Variants in SNX7 observed in about 807,000 individuals in gnomAD.
The protein encoded by SNX7 is sorting nexin-7.
A neutral mutation model predicts 48.4 loss-of-function variants in SNX7; 35 were observed. That is an observed-to-expected ratio of 0.72 (90% CI 0.55 to 0.96). The LOEUF (loss-of-function observed/expected upper bound fraction) is 0.96, where lower values mean the gene tolerates loss of function less well. SNX7 is among the 40% of genes least tolerant of loss of function. The pLI is 0.00. For missense variants in SNX7, 553 were observed against 548.9 expected (o/e 1.01, Z -0.07); for synonymous variants, 190 against 190.2 (o/e 1.00, Z 0.01).
intron 5 of SNX7, among the ~76,000 whole-genome samples, chr1:98,695,945 A>G (rs1398191188): frequency 6.6e-6 from 1 of 152,162 alleles, no homozygotes; most frequent in Admixed American, 6.5e-5. Context: ...CCATTCATAG[A>G]TAATAGTGGT....
At chr1:98,722,611 G>A (rs1360384799) in intron 7 of SNX7, among the ~76,000 whole-genome samples, 2 of 151,796 alleles carry the variant, frequency 1.3e-5, no homozygotes, top group African/African-American at 4.8e-5. Context: ...GAAATTTTTA[G>A]CATTTGAATA....
Position 98,661,864 on chromosome 1 carries a change from G to GA in SNX7, c.133_134insA (p.Val45AspfsTer44), listed in dbSNP as rs1412202081. The GA allele has an allele frequency of 8.0e-7, 1 of 1,246,962 alleles. No individual in the cohort carries two copies. Among genetic ancestry groups the GA allele is most frequent in the Non-Finnish European group, 1.0e-6 (1 of 987,484 alleles). The allele number at this position is 1,246,962 out of a possible 1,614,324, so 77.2% of individuals were successfully genotyped here. ...CTCTTCCGCCCTGCTGCAGGCGGAG[G>GA]TGCTGGATCTGGACGAGGACGAGGA... On this transcript the variant is annotated frameshift_variant, in exon 1 of 9. Transcript: ENST00000306121. LOFTEE classifies it high-confidence loss of function.
At chr1:98,671,907 A>G (rs1236227183) in intron 1 of SNX7, among the ~76,000 whole-genome samples, 1 of 152,214 alleles carries the variant, frequency 6.6e-6, no homozygotes, top group Non-Finnish European at 1.5e-5. Context: ...TAAGATAAAC[A>G]AGCTGAATCA....
At chr1:98,665,299 CCTG>C (rs1219627139) in intron 1 of SNX7, among the ~76,000 whole-genome samples, 20 of 151,866 alleles carry the variant, frequency 1.3e-4, no homozygotes, top group African/African-American at 4.4e-4. Context: ...ATAATGGTTC[CCTG>C]AAACTAGAGA....
chr1:98,697,336 T>G (rs1017850490), intron 5 of SNX7, among the ~76,000 whole-genome samples: 6 of 152,060 alleles, frequency 3.9e-5, no homozygotes, highest in African/African-American at 1.4e-4. Context: ...CTTTTAAAGT[T>G]TTAGTAGTTT....
At chr1:98,686,603 G>A (rs1039831197) in intron 2 of SNX7, among the ~76,000 whole-genome samples, 5 of 152,106 alleles carry the variant, frequency 3.3e-5, no homozygotes, top group Non-Finnish European at 7.4e-5. Flanking sequence ...AATGAGTGAA[G>A]GAATTATCTT....
chr1:98,744,300 TA>T (rs1654215439), intron 8 of SNX7, among the ~76,000 whole-genome samples: 1 of 152,004 alleles, frequency 6.6e-6, no homozygotes, highest in Non-Finnish European at 1.5e-5. Context: ...TGGACAATTC[TA>T]AAAAGTGAAA....
intron 1 of SNX7, among the ~76,000 whole-genome samples, chr1:98,664,413 A>C (rs973978041): frequency 6.6e-5 from 10 of 152,274 alleles, no homozygotes; most frequent in African/African-American, 2.2e-4. Flanking sequence ...CTTTAATCCT[A>C]GCTAACCGGG....
At chr1:98,718,408 T>G (rs1652697965) in intron 7 of SNX7, among the ~76,000 whole-genome samples, 1 of 152,150 alleles carries the variant, frequency 6.6e-6, no homozygotes, top group African/African-American at 2.4e-5. Flanking sequence ...TTTTATGCCT[T>G]ATTTTCTGAA....
chr1:98,715,805 A>G (rs1652560025), intron 7 of SNX7, among the ~76,000 whole-genome samples: 1 of 152,110 alleles, frequency 6.6e-6, no homozygotes, highest in African/African-American at 2.4e-5. Context: ...AGAAAAAGTT[A>G]TGTTTAGAAT....
chr1:98,706,263 A>C (rs539783170), intron 7 of SNX7, among the ~76,000 whole-genome samples: 4 of 152,270 alleles, frequency 2.6e-5, no homozygotes, highest in African/African-American at 9.6e-5. Flanking sequence ...AGTGTTGAGG[A>C]GCAGTGCAAT....
At chr1:98,661,565 C>G (rs1421769280), upstream of SNX7, 5 of 570,816 alleles carry the variant, frequency 8.8e-6, no homozygotes, top group African/African-American at 2.0e-5. Context: ...TGGGGATGCG[C>G]CCGGCCCGGG....
chr1:98,661,484 C>T (rs1261759489), upstream of SNX7, among the ~76,000 whole-genome samples: 1 of 152,158 alleles, frequency 6.6e-6, no homozygotes, highest in Non-Finnish European at 1.5e-5. Context: ...CAGGGTACAG[C>T]CAACCCTTTC....
rs1651593140 is a variant in SNX7, at chr1:98,698,748, T to C, written c.881T>C (p.Leu294Pro). ...AAAGAATATGGCCCAATTCATATTCTGTGGTCAGCGTCAGAAGAGGATCTG... is the reference window on the plus strand; with the variant it reads ...AAAGAATATGGCCCAATTCATATTCCGTGGTCAGCGTCAGAAGAGGATCTG... ...EMKEYGPIHI[L>P]WSASEEDLVD... The change falls in exon 6 of 9, where the codon CTG (leucine) becomes CCG (proline). Residue 294 changes from leucine to proline, a missense_variant. By Grantham distance (98) the Leu-to-Pro change is moderately conservative. Transcript: ENST00000306121. The C allele has an allele frequency of 6.2e-7, 1 of 1,613,538 alleles. No individual in the cohort carries two copies. The highest frequency in any genetic ancestry group is 1.3e-5 in the African/African-American group (1 of 74,874).
chr1:98,753,294 G>A (rs753014164), intron 8 of SNX7, among the ~76,000 whole-genome samples: 3 of 152,138 alleles, frequency 2.0e-5, no homozygotes, highest in Non-Finnish European at 4.4e-5. Flanking sequence ...TAAGGAAATC[G>A]TGAAGTAGCT....
intron 7 of SNX7, among the ~76,000 whole-genome samples, chr1:98,705,901 C>T (rs753048327): frequency 5.9e-5 from 9 of 152,096 alleles, no homozygotes; most frequent in African/African-American, 9.7e-5. Flanking sequence ...GTAGAATCCA[C>T]ATCACTTAAA....
chr1:98,667,942 CAAAA>C lies in SNX7; in HGVS notation c.180+6036_180+6039del, dbSNP rs199518789. The stretch of plus-strand genomic sequence containing the variant: ...AAACAAAAAAAACAAAACAAACAAA[CAAAA>C]AAAACAATAAAACAAAATAGGGCTG... On this transcript the variant is annotated intron_variant, in intron 1 of 8. Coordinates refer to ENST00000306121, the MANE Select transcript of SNX7 (RefSeq NM_015976.5). Among the ~76,000 whole-genome samples, 28 of 149,700 alleles carry C rather than the reference CAAAA, an allele frequency of 1.9e-4. No homozygotes were observed. In the South Asian group the frequency reaches 3.8e-3, roughly 20 times the overall value.
chr1:98,745,207 G>A (rs763813880), intron 8 of SNX7, among the ~76,000 whole-genome samples: 5 of 151,942 alleles, frequency 3.3e-5, no homozygotes, highest in Non-Finnish European at 7.4e-5. Flanking sequence ...TGCAATAGAG[G>A]TGTAATAGAT....
intron 7 of SNX7, among the ~76,000 whole-genome samples, chr1:98,735,178 A>G (rs1448614644): frequency 6.6e-6 from 1 of 152,130 alleles, no homozygotes; most frequent in East Asian, 1.9e-4. Flanking sequence ...TCTTTGTACC[A>G]AAGAACGTAG....
Sources: gnomAD v4.1 joint callset for allele counts (sites outside exome capture counted in the v4.1 genomes callset) on GRCh38, gnomAD v4.1.1 for gene constraint, MANE v1.5 for transcripts, NCBI Gene and HGNC (gene_info 2026-07-23, HGNC 2026-07-21) for gene names.